The following GRID2 variants were observed in gnomAD, a reference collection of about 807,000 sequenced individuals.
The protein encoded by GRID2 is glutamate receptor ionotropic, delta-2.
GRID2 carries 33 observed loss-of-function variants against 114.8 expected under a neutral mutation model. That is an observed-to-expected ratio of 0.29 (90% CI 0.22 to 0.38). The LOEUF (loss-of-function observed/expected upper bound fraction) is 0.38. Ranked by LOEUF, GRID2 falls within the 10% of genes least tolerant of loss-of-function variation. The pLI is 1.00. For synonymous variants in GRID2, 505 were observed against 449.9 expected (o/e 1.12, Z -1.55); for missense variants, 1,184 against 1,257.7 (o/e 0.94, Z 0.89).
In GRID2 at chr4:93,059,143, G is replaced by A. The variant is rs149505694; in HGVS notation, c.245-25852G>A. On this transcript the variant is annotated intron_variant, in intron 2 of 15. Coordinates refer to ENST00000282020, the MANE Select transcript of GRID2 (RefSeq NM_001510.4). ...AAATGTATCAATCAGGTTAATGCAA[G>A]GAGCACTCTTCCATTTGATAACATT... 3.5e-3 allele frequency among the ~76,000 whole-genome samples: 531 copies of A among 152,158 alleles called. 2 individuals carry two copies. Among genetic ancestry groups the A allele is most frequent in the Non-Finnish European group, 6.3e-3 (427 of 67,996 alleles).
intron 9 of GRID2, among the ~76,000 whole-genome samples, chr4:93,419,146 T>G (rs1057308573): frequency 1.3e-5 from 2 of 149,754 alleles, no homozygotes; most frequent in African/African-American, 4.9e-5. Flanking sequence ...AGTTATGGTG[T>G]GTGTTGCTTT....
At position 92,685,548 on chromosome 4, in the gene GRID2, C is replaced by T. The variant is rs114629251; in HGVS notation, c.244+95262C>T. Among the ~76,000 whole-genome samples the T allele has an allele frequency of 8.1e-3, 1,237 of 151,952 alleles. 18 individuals carry two copies. Among genetic ancestry groups the T allele is most frequent in the African/African-American group, 0.028 (1,176 of 41,492 alleles). On this transcript the variant is annotated intron_variant, in intron 2 of 15. Coordinates refer to ENST00000282020, the MANE Select transcript of GRID2 (RefSeq NM_001510.4). Reference sequence around the variant, plus strand: ...CTTAATCTCATATGAGTTAACATGCCTAGAAATTTAAATGGATATAATACT... The same window carrying T: ...CTTAATCTCATATGAGTTAACATGCTTAGAAATTTAAATGGATATAATACT...
At chr4:92,581,809 A>C (rs181850756) in intron 1 of GRID2, among the ~76,000 whole-genome samples, 122 of 152,274 alleles carry the variant, frequency 8.0e-4, no homozygotes, top group Admixed American at 6.3e-3. Context: ...TATTTCGGAC[A>C]CTAGCTAAAT....
intron 11 of GRID2, among the ~76,000 whole-genome samples, chr4:93,485,584 T>C (rs1726306026): frequency 6.6e-6 from 1 of 151,778 alleles, no homozygotes. Flanking sequence ...AGTTTCATTA[T>C]TTTTCATACA....
chr4:93,293,980 G>T (rs948770003), intron 8 of GRID2, among the ~76,000 whole-genome samples: 5 of 152,196 alleles, frequency 3.3e-5, no homozygotes, highest in Non-Finnish European at 7.3e-5. Flanking sequence ...CGGCGATTAT[G>T]CTGTGGGGAG....
rs1003575783 is a variant in GRID2, at chr4:93,227,307, AGCCTCT to A, written c.1125+2538_1125+2543del. On this transcript the variant is annotated intron_variant, in intron 7 of 15. Coordinates refer to ENST00000282020, the MANE Select transcript of GRID2 (RefSeq NM_001510.4). ...CAGTGGTGCAATCTCAGCTCACTAC[AGCCTCT>A]GCCTCCCGGGTTCAAGTGATTCTCC... is the stretch of plus-strand genomic sequence containing the variant. Among the ~76,000 whole-genome samples the A allele has an allele frequency of 1.6e-4, 24 of 152,164 alleles. 1 individual carries two copies. Among genetic ancestry groups the A allele is most frequent in the African/African-American group, 5.3e-4 (22 of 41,518 alleles).
intron 11 of GRID2, among the ~76,000 whole-genome samples, chr4:93,468,634 T>C (rs1724514128): frequency 3.9e-5 from 6 of 151,980 alleles, no homozygotes; most frequent in Admixed American, 3.9e-4. Context: ...GGAAGCATAG[T>C]TTAGTAGGAG....
At chr4:92,468,927 C>G (rs1335515221) in intron 1 of GRID2, among the ~76,000 whole-genome samples, 1 of 152,074 alleles carries the variant, frequency 6.6e-6, no homozygotes, top group Non-Finnish European at 1.5e-5. Flanking sequence ...GTTCCAGAGA[C>G]AAGGCACTGT....
intron 13 of GRID2, among the ~76,000 whole-genome samples, chr4:93,565,206 A>G (rs1281788609): frequency 6.6e-6 from 1 of 152,168 alleles, no homozygotes; most frequent in Admixed American, 6.5e-5. Flanking sequence ...CATTTTAAAA[A>G]TCTACCACAG....
chr4:93,376,110 T>C (rs2149300515), intron 8 of GRID2, among the ~76,000 whole-genome samples: 1 of 152,288 alleles, frequency 6.6e-6, no homozygotes, highest in East Asian at 1.9e-4. Context: ...TGATCTCACT[T>C]AACCATAATT....
At chr4:92,915,260 C>T (rs1352103530) in intron 2 of GRID2, among the ~76,000 whole-genome samples, 2 of 152,132 alleles carry the variant, frequency 1.3e-5, no homozygotes. Flanking sequence ...TCCTATTAGC[C>T]TTATTCTAAT....
chr4:93,655,369 T>C (rs1722912343), intron 14 of GRID2, among the ~76,000 whole-genome samples: 2 of 152,186 alleles, frequency 1.3e-5, no homozygotes, highest in South Asian at 4.1e-4. Context: ...TTTGCTTCAC[T>C]TCATATGTTT....
chr4:93,450,465 C>T (rs1262609550), intron 10 of GRID2, among the ~76,000 whole-genome samples: 2 of 151,714 alleles, frequency 1.3e-5, no homozygotes, highest in Non-Finnish European at 3.0e-5. Flanking sequence ...TACTATTAAT[C>T]TTACCAATAT....
intron 14 of GRID2, among the ~76,000 whole-genome samples, chr4:93,635,997 G>A (rs961898019): frequency 1.3e-5 from 2 of 152,134 alleles, no homozygotes; most frequent in African/African-American, 4.8e-5. Flanking sequence ...GCAACCCCAT[G>A]GGGTAGATTT....
intron 8 of GRID2, among the ~76,000 whole-genome samples, chr4:93,353,318 A>G (rs1019750422): frequency 6.6e-6 from 1 of 152,086 alleles, no homozygotes; most frequent in Non-Finnish European, 1.5e-5. Context: ...CCCTGGAAAA[A>G]TTAATCATGT....
chr4:93,363,418 T>C (rs1762055289), intron 8 of GRID2, among the ~76,000 whole-genome samples: 1 of 152,150 alleles, frequency 6.6e-6, no homozygotes, highest in South Asian at 2.1e-4. Context: ...CATTACAGCT[T>C]CTTTTTTTCT....
chr4:92,587,818 GC>G (rs1560474807), intron 1 of GRID2, among the ~76,000 whole-genome samples: 1 of 152,070 alleles, frequency 6.6e-6, no homozygotes, highest in African/African-American at 2.4e-5. Flanking sequence ...TAAGTGTTCT[GC>G]CATGTAATAG....
At chr4:93,309,945 A>G (rs1042052368) in intron 8 of GRID2, among the ~76,000 whole-genome samples, 9 of 152,144 alleles carry the variant, frequency 5.9e-5, no homozygotes, top group African/African-American at 1.9e-4. Flanking sequence ...AATTGTTTAT[A>G]CATATTGTGC....
chr4:92,920,578 A>G (rs1215569495), intron 2 of GRID2, among the ~76,000 whole-genome samples: 1 of 152,134 alleles, frequency 6.6e-6, no homozygotes, highest in African/African-American at 2.4e-5. Context: ...GCTTGTCTGT[A>G]AAGGATTTTA....
Sources: allele counts gnomAD v4.1 joint callset (sites outside exome capture counted in the v4.1 genomes callset), GRCh38; gene constraint gnomAD v4.1.1; transcripts MANE v1.5; gene names NCBI Gene and HGNC (gene_info 2026-07-23, HGNC 2026-07-21).